The following KIF26B variants were observed in gnomAD, a reference collection of about 807,000 sequenced individuals.
The protein encoded by KIF26B is kinesin-like protein KIF26B.
KIF26B carries 63 observed loss-of-function variants against 151.2 expected under a neutral mutation model. That is an observed-to-expected ratio of 0.42 (90% CI 0.34 to 0.51). KIF26B has a LOEUF of 0.51. KIF26B is among the 20% of genes least tolerant of loss of function. The probability of loss-of-function intolerance (pLI) is 0.07; values close to 1 mark genes in which losing one functional copy is unlikely to be tolerated. For synonymous variants in KIF26B, 1,357 were observed against 1,262.1 expected (o/e 1.08, Z -1.59); for missense variants, 2,813 against 2,913.6 (o/e 0.97, Z 0.79).
At chr1:245,586,905 A>AAC (rs1418664055) in intron 5 of KIF26B, among the ~76,000 whole-genome samples, 1 of 151,834 alleles carries the variant, frequency 6.6e-6, no homozygotes, top group Non-Finnish European at 1.5e-5. Flanking sequence ...AAAAAAAAAA[A>AAC]AAAACATCAA....
At chr1:245,662,774 C>CCCA (rs60172973) in intron 10 of KIF26B, among the ~76,000 whole-genome samples, 1,320 of 68,076 alleles carry the variant, frequency 0.019, 148 homozygotes, top group African/African-American at 0.051. Flanking sequence ...CACACACACA[C>CCCA]ATGCATGCCC....
At chr1:245,176,869 G>A (rs557205023) in intron 2 of KIF26B, among the ~76,000 whole-genome samples, 5 of 152,282 alleles carry the variant, frequency 3.3e-5, no homozygotes, top group East Asian at 1.9e-4. Context: ...AGTTTACAGC[G>A]GGCTTACTGG....
chr1:245,422,046 G>A (rs915172915), intron 4 of KIF26B, among the ~76,000 whole-genome samples: 4 of 152,122 alleles, frequency 2.6e-5, no homozygotes, highest in East Asian at 3.9e-4. Context: ...AGCAAACAAA[G>A]ACTTGAAACT....
intron 2 of KIF26B, among the ~76,000 whole-genome samples, chr1:245,198,430 G>C (rs1206947704): frequency 6.6e-6 from 1 of 152,148 alleles, no homozygotes; most frequent in Non-Finnish European, 1.5e-5. Flanking sequence ...GTAATATTTG[G>C]TAAGTGCTTG....
At position 245,332,126 on chromosome 1, in the gene KIF26B, GAAAT is replaced by G. The variant is rs1017429482; in HGVS notation, c.466-34698_466-34695del. 8.6e-5 allele frequency among the ~76,000 whole-genome samples: 13 copies of G among 152,018 alleles called. 1 individual carries two copies. The highest frequency in any genetic ancestry group is 5.9e-4 in the Admixed American group (9 of 15,270). On this transcript the variant is annotated intron_variant, in intron 2 of 14. Transcript: ENST00000407071. ...GGGCGACAGAACAAGACTCTGTCTC[GAAAT>G]AAATAAATAGCAATAAAAAATGAAG...
At chr1:245,502,627 G>A (rs969284033) in intron 4 of KIF26B, among the ~76,000 whole-genome samples, 24 of 151,908 alleles carry the variant, frequency 1.6e-4, no homozygotes, top group Non-Finnish European at 1.8e-4. Context: ...TCAAAACTAG[G>A]TTGGTCTTGT....
intron 5 of KIF26B, among the ~76,000 whole-genome samples, chr1:245,549,624 T>C (rs1443645997): frequency 6.6e-6 from 1 of 152,226 alleles, no homozygotes; most frequent in Non-Finnish European, 1.5e-5. Context: ...TCCAAACTGC[T>C]GAGTTAATTA....
At chr1:245,423,228 G>T (rs1192395073) in intron 4 of KIF26B, among the ~76,000 whole-genome samples, 1 of 152,100 alleles carries the variant, frequency 6.6e-6, no homozygotes, top group Non-Finnish European at 1.5e-5. Context: ...ATTGAGCACT[G>T]AGTGGGCATC....
intron 2 of KIF26B, among the ~76,000 whole-genome samples, chr1:245,328,024 A>G (rs1054978703): frequency 6.6e-6 from 1 of 152,076 alleles, no homozygotes; most frequent in East Asian, 1.9e-4. Context: ...GCATGAAGGG[A>G]AGAGTGGCAG....
At chr1:245,583,736 C>T (rs1054241212) in intron 5 of KIF26B, among the ~76,000 whole-genome samples, 3 of 152,120 alleles carry the variant, frequency 2.0e-5, no homozygotes, top group South Asian at 2.1e-4. Context: ...ACCTCACTTT[C>T]GGTGTGTCAA....
chr1:245,564,242 C>T lies in KIF26B; in HGVS notation c.1350+23292C>T, dbSNP rs531388176. Among the ~76,000 whole-genome samples, 8 of 152,282 alleles carry T rather than the reference C, an allele frequency of 5.3e-5. No individual in the cohort carries two copies. In the South Asian group the frequency reaches 6.2e-4, roughly 12 times the overall value. On this transcript the variant is annotated intron_variant, in intron 5 of 14. Coordinates refer to ENST00000407071, the MANE Select transcript of KIF26B (RefSeq NM_018012.4). This position sits in a 1 kb window ranked among gnomAD's most constrained non-coding sequence, Gnocchi z 4.6. The stretch of plus-strand genomic sequence containing the variant: ...ACGCCACTTAGAATGAGCTTCCCCC[C>T]ATTTTCTGCGATACACACTGTCACT...
At chr1:245,608,648 C>A (rs1022602076) in intron 7 of KIF26B, among the ~76,000 whole-genome samples, 6 of 152,192 alleles carry the variant, frequency 3.9e-5, no homozygotes, top group Non-Finnish European at 8.8e-5. Flanking sequence ...AAAAGCCCAG[C>A]CTTCCCACTG....
chr1:245,159,304 A>G (rs1668497417), intron 2 of KIF26B, among the ~76,000 whole-genome samples: 1 of 152,246 alleles, frequency 6.6e-6, no homozygotes, highest in Admixed American at 6.5e-5. Context: ...TAGATATTTA[A>G]AAGTCAAAAG....
intron 2 of KIF26B, among the ~76,000 whole-genome samples, chr1:245,360,768 T>C (rs1285067132): frequency 6.6e-6 from 1 of 152,146 alleles, no homozygotes; most frequent in South Asian, 2.1e-4. Flanking sequence ...TCCCAGAACT[T>C]TGGGAGGCTG....
At chr1:245,161,112 A>G (rs1424036253) in intron 2 of KIF26B, among the ~76,000 whole-genome samples, 2 of 152,238 alleles carry the variant, frequency 1.3e-5, no homozygotes, top group African/African-American at 4.8e-5. Flanking sequence ...TCTTTCTCAT[A>G]TCAGAAGTAT....
intron 2 of KIF26B, among the ~76,000 whole-genome samples, chr1:245,295,418 C>T (rs1383822389): frequency 5.3e-5 from 8 of 152,100 alleles, no homozygotes; most frequent in South Asian, 2.1e-4. Flanking sequence ...TGGCTAAGGT[C>T]GAGTTTAAGG....
Position 245,570,867 on chromosome 1 carries a change from T to C in KIF26B, c.1350+29917T>C, listed in dbSNP as rs117749925. On this transcript the variant is annotated intron_variant, in intron 5 of 14. Transcript: ENST00000407071. Reference sequence around the variant, plus strand: ...TATTTTGTTTCCCAGAATGAGGATATATTGGTCTTATTGTGCTATGTGTTA... The same window carrying C: ...TATTTTGTTTCCCAGAATGAGGATACATTGGTCTTATTGTGCTATGTGTTA... Among the ~76,000 whole-genome samples the C allele has an allele frequency of 1.8e-3, 270 of 152,354 alleles. 5 individuals are homozygous for C. The East Asian group carries it at 0.023, about 13-fold the overall frequency.
At chr1:245,269,506 C>T (rs1052766226) in intron 2 of KIF26B, among the ~76,000 whole-genome samples, 2 of 151,716 alleles carry the variant, frequency 1.3e-5, no homozygotes, top group African/African-American at 4.8e-5. Flanking sequence ...GCTCTGTCGC[C>T]CAGGCTGGAG....
rs138762097 is a variant in KIF26B at position 245,252,306 on chromosome 1, T to C, written c.465+95623T>C. On this transcript the variant is annotated intron_variant, in intron 2 of 14. Transcript: ENST00000407071. ...AAAAAAAAAAAAAGAAAAAAGAAAA[T>C]TGGTTTTCCCATATATGAACATATT... 2.6e-3 allele frequency among the ~76,000 whole-genome samples: 393 copies of C among 150,296 alleles called. 3 individuals are homozygous for C. The highest frequency in any genetic ancestry group is 8.9e-3 in the African/African-American group (363 of 40,852).
Sources: gnomAD v4.1 joint callset for allele counts (sites outside exome capture counted in the v4.1 genomes callset) on GRCh38, gnomAD v4.1.1 for gene constraint, Gnocchi (gnomAD v3.1) non-coding constraint, MANE v1.5 for transcripts, NCBI Gene and HGNC (gene_info 2026-07-23, HGNC 2026-07-21) for gene names.